The following TMEM117 variants were observed in gnomAD, a reference collection of about 807,000 sequenced individuals.
The protein encoded by TMEM117 is transmembrane protein 117.
TMEM117 carries 27 observed loss-of-function variants against 52.4 expected under a neutral mutation model. The ratio of observed to expected loss-of-function variants is 0.51; its 90% CI spans 0.38 to 0.71. The LOEUF (loss-of-function observed/expected upper bound fraction) is 0.71. Among genes scored for constraint, TMEM117 ranks in the 30% least tolerant of loss-of-function variants. TMEM117 has a pLI of 0.00. For synonymous variants in TMEM117, 215 were observed against 206.3 expected (o/e 1.04, Z -0.36); for missense variants, 556 against 630.5 (o/e 0.88, Z 1.26).
chr12:44,210,528 C>T (rs947317896), intron 4 of TMEM117, among the ~76,000 whole-genome samples: 8 of 151,962 alleles, frequency 5.3e-5, no homozygotes, highest in African/African-American at 1.5e-4. Flanking sequence ...CTTTGACATT[C>T]TTAGAAGAGG....
At chr12:44,254,633 T>C (rs1565641640) in intron 5 of TMEM117, among the ~76,000 whole-genome samples, 1 of 151,434 alleles carries the variant, frequency 6.6e-6, no homozygotes. Flanking sequence ...TAGGGGCGAG[T>C]CTTAAGAAAG....
chr12:44,381,089 C>T (rs1396149126), intron 7 of TMEM117, among the ~76,000 whole-genome samples: 1 of 152,102 alleles, frequency 6.6e-6, no homozygotes, highest in East Asian at 1.9e-4. Flanking sequence ...CTGGATCCCC[C>T]TTGACAGATG....
chr12:43,853,026 A>T (rs1592307616), intron 2 of TMEM117, among the ~76,000 whole-genome samples: 4 of 152,224 alleles, frequency 2.6e-5, no homozygotes, highest in Admixed American at 2.6e-4. Flanking sequence ...TCTGAAAATG[A>T]TTCTAAACCT....
At chr12:43,929,320 A>T (rs146653867) in intron 2 of TMEM117, among the ~76,000 whole-genome samples, 3 of 152,148 alleles carry the variant, frequency 2.0e-5, no homozygotes, top group African/African-American at 7.2e-5. Flanking sequence ...TATTACTACT[A>T]TACTACCTTA....
intron 5 of TMEM117, among the ~76,000 whole-genome samples, chr12:44,254,544 C>G (rs1184410787): frequency 6.6e-6 from 1 of 151,770 alleles, no homozygotes; most frequent in Non-Finnish European, 1.5e-5. Flanking sequence ...TTTGAATCAA[C>G]CTTTCAAAAA....
rs1416239029 is a variant in TMEM117 at position 44,096,471 on chromosome 12, G to A, written c.411-47054G>A. Among the ~76,000 whole-genome samples the A allele has an allele frequency of 1.1e-4, 17 of 150,720 alleles. No individual in the cohort carries two copies. The South Asian group carries it at 1.9e-3, about 17-fold the overall frequency. Reference sequence around the variant, plus strand: ...CTACCTGACTTCAAACTATACTACAGGGCTACAGTAACCAAAACAGCATGG... The same window carrying A: ...CTACCTGACTTCAAACTATACTACAAGGCTACAGTAACCAAAACAGCATGG... On this transcript the variant is annotated intron_variant, in intron 3 of 7. Transcript: ENST00000266534.
chr12:43,800,847 T>G, the TMEM117 span, among the ~76,000 whole-genome samples: 1 of 152,128 alleles, frequency 6.6e-6, no homozygotes, highest in Non-Finnish European at 1.5e-5. Flanking sequence ...GCCTCCCAGG[T>G]TCAAGTGGTT....
chr12:44,069,011 C>G (rs1947262195), intron 3 of TMEM117, among the ~76,000 whole-genome samples: 1 of 152,124 alleles, frequency 6.6e-6, no homozygotes, highest in Admixed American at 6.6e-5. Context: ...TGAGCCCACT[C>G]AAAGAGCTTA....
chr12:44,099,665 C>T (rs1947829885), intron 3 of TMEM117, among the ~76,000 whole-genome samples: 1 of 151,914 alleles, frequency 6.6e-6, no homozygotes, highest in African/African-American at 2.4e-5. Context: ...TGGGTGGAGT[C>T]CTGGCTTAGA....
chr12:44,276,803 A>G (rs951346384), intron 5 of TMEM117, among the ~76,000 whole-genome samples: 2 of 152,152 alleles, frequency 1.3e-5, no homozygotes, highest in African/African-American at 4.8e-5. Context: ...AATAAATTCA[A>G]TTTAAAAATT....
rs377060309 is a variant in TMEM117 at position 44,051,004 on chromosome 12, T to C, written c.411-92521T>C. ...TTCATTATTCCTAAGACTTCATTTA[T>C]TACGATCCTTGGGATTTGAGATAAT... is the stretch of plus-strand genomic sequence containing the variant. On this transcript the variant is annotated intron_variant, in intron 3 of 7. Coordinates refer to ENST00000266534, the MANE Select transcript of TMEM117 (RefSeq NM_032256.3). Among the ~76,000 whole-genome samples the C allele has an allele frequency of 4.6e-5, 7 of 152,360 alleles. No homozygotes were observed. In the East Asian group the frequency reaches 1.2e-3, roughly 25 times the overall value.
At chr12:43,892,716 A>G in intron 2 of TMEM117, among the ~76,000 whole-genome samples, 1 of 152,234 alleles carries the variant, frequency 6.6e-6, no homozygotes, top group East Asian at 1.9e-4. Context: ...TATTTTAGAT[A>G]CTGGGGCTAC....
the TMEM117 span, chr12:43,806,133 A>G: frequency 5.9e-6 from 9 of 1,526,728 alleles, no homozygotes; most frequent in African/African-American, 9.7e-5. Flanking sequence ...TCCCGGCCCG[A>G]CTCCAGCCCT....
upstream of TMEM117, among the ~76,000 whole-genome samples, chr12:43,833,712 C>T (rs1942995504): frequency 6.6e-6 from 1 of 151,696 alleles, no homozygotes; most frequent in South Asian, 2.1e-4. Flanking sequence ...TTGCTTGAGC[C>T]CAGGAGTTTG....
At chr12:44,080,534 A>G (rs1039494589) in intron 3 of TMEM117, among the ~76,000 whole-genome samples, 1 of 152,270 alleles carries the variant, frequency 6.6e-6, no homozygotes, top group Non-Finnish European at 1.5e-5. Context: ...TTATGCATAA[A>G]GATGATGTTT....
intron 2 of TMEM117, among the ~76,000 whole-genome samples, chr12:43,891,540 T>C (rs1463294091): frequency 6.6e-6 from 1 of 151,222 alleles, no homozygotes; most frequent in African/African-American, 2.4e-5. Context: ...GCCCGGCTAA[T>C]TTTTTTTAGT....
intron 3 of TMEM117, among the ~76,000 whole-genome samples, chr12:44,096,393 C>T (rs1947762656): frequency 1.3e-5 from 2 of 152,024 alleles, no homozygotes; most frequent in African/African-American, 2.4e-5. Context: ...CAAAAAAGAG[C>T]CCACATCGCC....
intron 4 of TMEM117, among the ~76,000 whole-genome samples, chr12:44,169,753 C>T (rs1295046100): frequency 1.3e-5 from 2 of 152,024 alleles, no homozygotes; most frequent in Non-Finnish European, 2.9e-5. Flanking sequence ...ATCAAGAAAT[C>T]ACACCAATTA....
intron 3 of TMEM117, chr12:44,008,740 G>A: frequency 2.4e-6 from 1 of 415,110 alleles, no homozygotes; most frequent in South Asian, 2.1e-5. Context: ...GTTCACCTGT[G>A]TGGGTTCTCT....
Sources: gnomAD v4.1 joint callset for allele counts (sites outside exome capture counted in the v4.1 genomes callset) on GRCh38, gnomAD v4.1.1 for gene constraint, MANE v1.5 for transcripts, NCBI Gene and HGNC (gene_info 2026-07-23, HGNC 2026-07-21) for gene names.